The following GNG8 variants were observed in gnomAD, a reference collection of about 807,000 sequenced individuals.
GNG8 encodes guanine nucleotide-binding protein G(I)/G(S)/G(O) subunit gamma-8.
A neutral mutation model predicts 4.6 loss-of-function variants in GNG8; 3 were observed. That is an observed-to-expected ratio of 0.65 (90% CI 0.29 to 1.67). GNG8 has a LOEUF of 1.67. GNG8 is among the 40% of genes most tolerant of loss of function. The pLI is 0.10. For synonymous variants in GNG8, 32 were observed against 40.5 expected, an observed-to-expected ratio of 0.79 and a Z score of 0.80; for missense variants, 88 against 95.2, an observed-to-expected ratio of 0.92 and a Z score of 0.32.
Position 46,633,967 on chromosome 19 carries a change from C to T in GNG8, c.*109G>A, listed in dbSNP as rs1173017708. 4 of 1,311,996 alleles carry T rather than the reference C, an allele frequency of 3.0e-6. No homozygotes were observed. The highest frequency in any genetic ancestry group is 2.9e-5 in the African/African-American group (2 of 67,844). 81.3% of individuals were successfully genotyped at this position (1,311,996 alleles called of 1,614,324 possible). On this transcript the variant is annotated 3_prime_UTR_variant, in exon 3 of 3. Coordinates refer to ENST00000693335, the MANE Select transcript of GNG8 (RefSeq NM_033258.2). ...ACGGACACAGCTTCCCCTACGGTGG[C>T]CCCAAGCTCTGTGCGTGCCTCAGTC... is the stretch of plus-strand genomic sequence containing the variant.
chr19:46,636,706 C>G (rs1358540483), upstream of GNG8: 1 of 152,536 alleles, frequency 6.6e-6, no homozygotes, highest in Non-Finnish European at 1.5e-5. Flanking sequence ...CCAAGCGCTA[C>G]ACAGTCAGAT....
In GNG8 at chr19:46,634,126, CG is replaced by C. The variant is rs1273223234; in HGVS notation, c.162del (p.Ala55ProfsTer56). 1 of 1,613,660 alleles carries C rather than the reference CG, an allele frequency of 6.2e-7. No individual in the cohort carries two copies. The highest frequency in any genetic ancestry group is 1.3e-5 in the African/African-American group (1 of 74,920). On this transcript the variant is annotated frameshift_variant, in exon 3 of 3. Coordinates refer to ENST00000693335, the MANE Select transcript of GNG8 (RefSeq NM_033258.2). LOFTEE classifies it high-confidence loss of function. Reference protein sequence around the residue: ...AKDDPLVTPVPAAENPFRDKR... With the variant: ...AKDDPLVTPVXAAENPFRDKR... ...TTGTCGCGGAAGGGGTTCTCCGCGG[CG>C]GGTACTGGCGTCACCAGCGGGTCAT...
At chr19:46,634,227 G>A in intron 2 of GNG8, 23 bp from the exon 3 acceptor site, 1 of 1,497,952 alleles carries the variant, frequency 6.7e-7, no homozygotes, top group Non-Finnish European at 9.0e-7. Context: ...GGGTGGAGAT[G>A]TCACCGCCCT....
Position 46,634,785 on chromosome 19 carries a change from G to A in GNG8, c.-43-60C>T, listed in dbSNP as rs968394. Reference sequence around the variant, plus strand: ...AGGTGGGGGCGAGAGGGCGGGCCCCGGTAACAGGTGCGAGGGTGGAAGGGC... The same window carrying A: ...AGGTGGGGGCGAGAGGGCGGGCCCCAGTAACAGGTGCGAGGGTGGAAGGGC... On this transcript the variant is annotated intron_variant, in intron 1 of 2. Coordinates refer to ENST00000693335, the MANE Select transcript of GNG8 (RefSeq NM_033258.2). 7,916 of 867,588 alleles carry A rather than the reference G, an allele frequency of 9.1e-3. 229 individuals carry two copies. Among genetic ancestry groups the A allele is most frequent in the African/African-American group, 0.064 (3,893 of 60,592 alleles). The allele number at this position is 867,588 out of a possible 1,614,324, so 53.7% of individuals were successfully genotyped here.
chr19:46,636,317 C>T (rs910902977), upstream of GNG8, among the ~76,000 whole-genome samples: 4 of 152,074 alleles, frequency 2.6e-5, no homozygotes, highest in Non-Finnish European at 5.9e-5. Context: ...TCTCTGGGCC[C>T]TCTCTCTTGT....
At chr19:46,639,077 G>C (rs1223585329), upstream of GNG8, 1 of 153,168 alleles carries the variant, frequency 6.5e-6, no homozygotes, top group Non-Finnish European at 1.5e-5. The surrounding 1 kb of genome is among the most constrained non-coding windows in gnomAD (Gnocchi z 5.2). Flanking sequence ...GTAGGAGAGA[G>C]ACACCCAAGC....
At chr19:46,637,452 T>A (rs879454845), upstream of GNG8, 3 of 152,500 alleles carry the variant, frequency 2.0e-5, no homozygotes, top group Non-Finnish European at 4.4e-5. Flanking sequence ...CTCTCCATCA[T>A]CTCTTGCCTT....
chr19:46,634,802 T>G (rs919225761), intron 1 of GNG8, 77 bp from the exon 2 acceptor site: 4 of 714,384 alleles, frequency 5.6e-6, no homozygotes, highest in African/African-American at 1.8e-5. Flanking sequence ...GGTGCGAGGG[T>G]GGAAGGGCGC....
rs2052853332 is a variant in GNG8, at chr19:46,634,691, C to T, written c.-9G>A. The stretch of plus-strand genomic sequence containing the variant: ...GCCATGTTGTTGGACATGGTTGCGG[C>T]GGGGAAGGGGTTAAAAGACGCGCGG... On this transcript the variant is annotated 5_prime_UTR_variant, in exon 2 of 3. Transcript: ENST00000693335. The T allele has an allele frequency of 6.2e-7, 1 of 1,611,702 alleles. No individual in the cohort carries two copies. Among genetic ancestry groups the T allele is most frequent in the Non-Finnish European group, 8.5e-7 (1 of 1,179,232 alleles).
intron 1 of GNG8, among the ~76,000 whole-genome samples, chr19:46,635,176 C>T (rs1272162460): frequency 6.6e-6 from 1 of 151,830 alleles, no homozygotes; most frequent in Non-Finnish European, 1.5e-5. Context: ...CCGCCACCCT[C>T]AGGGAGCCCC....
In GNG8 at chr19:46,634,287, C is replaced by T. The variant is rs1044978114; in HGVS notation, c.85-83G>A. ...TTAGGCCCCGCCTCTTGCCCTGTCCCCTCCTCCCACCTTGCCCCGCCCCAT... is the reference window on the plus strand; with the variant it reads ...TTAGGCCCCGCCTCTTGCCCTGTCCTCTCCTCCCACCTTGCCCCGCCCCAT... On this transcript the variant is annotated intron_variant, in intron 2 of 2. Transcript: ENST00000693335. 8 of 1,451,404 alleles carry T rather than the reference C, an allele frequency of 5.5e-6. No individual in the cohort carries two copies. The African/African-American group carries it at 5.7e-5, about 10-fold the overall frequency. The allele number at this position is 1,451,404 out of a possible 1,614,324, so 89.9% of individuals were successfully genotyped here. A position where few individuals can be genotyped will look rare whatever the true frequency, so the allele number is the denominator to read the frequency against.
Position 46,634,190 on chromosome 19 carries a change from T to C in GNG8, c.99A>G (p.Ala33=). 3.1e-6 allele frequency: 5 copies of C among 1,611,830 alleles called. No individual in the cohort carries two copies. Among genetic ancestry groups the C allele is most frequent in the Non-Finnish European group, 4.2e-6 (5 of 1,179,330 alleles). ...NIDRMKVSQA[A]AELLAFCETH... is the part of the protein sequence containing the mutation. ...TCTCGCAGAAAGCCAGGAGTTCCGCTGCTGCCTGCGACACCTGCGAGCACC... is the reference window on the plus strand; with the variant it reads ...TCTCGCAGAAAGCCAGGAGTTCCGCCGCTGCCTGCGACACCTGCGAGCACC... The change falls in exon 3 of 3, where the codon GCA becomes GCG. Residue 33 remains alanine (A), a synonymous_variant. Coordinates refer to ENST00000693335, the MANE Select transcript of GNG8 (RefSeq NM_033258.2).
At chr19:46,636,086 A>G (rs1437909512) in intron 1 of GNG8, among the ~76,000 whole-genome samples, 61 bp downstream of exon 1, 1 of 152,084 alleles carries the variant, frequency 6.6e-6, no homozygotes, top group Non-Finnish European at 1.5e-5. Flanking sequence ...CCAGGCGGAG[A>G]GACGGTGGCC....
upstream of GNG8, chr19:46,637,376 C>G (rs973034401): frequency 6.6e-6 from 1 of 152,470 alleles, no homozygotes; most frequent in African/African-American, 2.4e-5. Context: ...ACCTAGCTAC[C>G]CACGATGGCT....
chr19:46,634,559 G>T (rs756569831), intron 2 of GNG8, 40 bp downstream of exon 2: 97 of 1,559,210 alleles, frequency 6.2e-5, no homozygotes, highest in Admixed American at 1.5e-4. Flanking sequence ...CAGACCGCAG[G>T]CCCAGAACCC....
intron 2 of GNG8, 37 bp downstream of exon 2, chr19:46,634,562 C>G: frequency 6.3e-7 from 1 of 1,576,956 alleles, no homozygotes; most frequent in Non-Finnish European, 8.7e-7. Context: ...ACCGCAGGCC[C>G]AGAACCCCCG....
upstream of GNG8, chr19:46,637,782 G>C (rs921232346): frequency 7.6e-6 from 1 of 131,694 alleles, no homozygotes; most frequent in Non-Finnish European, 1.6e-5. Flanking sequence ...AGAGACGGCG[G>C]GGGTGGGGGG....
rs534542621 is a variant in GNG8, at chr19:46,635,027, C to CG, written c.-43-303dup. ...ATCAGAATCCAGGTGTCCTCACCCC[C>CG]GGGGGCAGAGCGAGAGCCAGGAGGG... On this transcript the variant is annotated intron_variant, in intron 1 of 2. Coordinates refer to ENST00000693335, the MANE Select transcript of GNG8 (RefSeq NM_033258.2). Among the ~76,000 whole-genome samples the CG allele has an allele frequency of 9.7e-4, 148 of 152,048 alleles. 3 individuals carry two copies. In the South Asian group the frequency reaches 0.029, roughly 30 times the overall value.
intron 1 of GNG8, among the ~76,000 whole-genome samples, chr19:46,635,318 G>A (rs1414895097): frequency 6.6e-6 from 1 of 151,212 alleles, no homozygotes; most frequent in Non-Finnish European, 1.5e-5. Context: ...GACGCGCAGA[G>A]GCAGAGACAG....
Sources: allele counts gnomAD v4.1 joint callset (sites outside exome capture counted in the v4.1 genomes callset), GRCh38; gene constraint gnomAD v4.1.1; non-coding constraint Gnocchi (gnomAD v3.1); transcripts MANE v1.5; gene names NCBI Gene and HGNC (gene_info 2026-07-23, HGNC 2026-07-21).